CTNNA2: variants seen among roughly 807,000 people sequenced by gnomAD.
CTNNA2 encodes catenin alpha-2.
A neutral mutation model predicts 101.0 loss-of-function variants in CTNNA2; 42 were observed. The ratio of observed to expected loss-of-function variants is 0.42; its 90% CI spans 0.32 to 0.54. The LOEUF is 0.54. Among genes scored for constraint, CTNNA2 ranks in the 20% least tolerant of loss-of-function variants. The probability of loss-of-function intolerance (pLI) is 0.14; values close to 1 mark genes in which losing one functional copy is unlikely to be tolerated. For missense variants in CTNNA2, 871 were observed against 1,223.1 expected (o/e 0.71, Z 4.29); for synonymous variants, 450 against 456.4 (o/e 0.99, Z 0.18).
At chr2:80,522,077 C>T (rs1298173291) in intron 9 of CTNNA2, among the ~76,000 whole-genome samples, 1 of 152,184 alleles carries the variant, frequency 6.6e-6, no homozygotes, top group Non-Finnish European at 1.5e-5. Flanking sequence ...CTAGAAGCTC[C>T]CCACAAGGCC....
At chr2:80,012,580 T>G (rs549517765) in intron 7 of CTNNA2, among the ~76,000 whole-genome samples, 2 of 152,314 alleles carry the variant, frequency 1.3e-5, no homozygotes, top group Admixed American at 6.5e-5. Flanking sequence ...TCAACTCTCC[T>G]GTCATGGCAT....
chr2:79,986,314 G>A (rs1304729759), intron 7 of CTNNA2, among the ~76,000 whole-genome samples: 2 of 152,072 alleles, frequency 1.3e-5, no homozygotes, highest in Non-Finnish European at 2.9e-5. Context: ...TGTTCTTTGA[G>A]GATATTCCTC....
chr2:79,245,532 A>G (rs988455414), intron 2 of CTNNA2, among the ~76,000 whole-genome samples: 2 of 152,196 alleles, frequency 1.3e-5, no homozygotes, highest in East Asian at 1.9e-4. Context: ...CTTCCCAAGG[A>G]TGGGCCTGGA....
intron 4 of CTNNA2, among the ~76,000 whole-genome samples, chr2:79,442,303 A>T (rs566300507): frequency 6.6e-6 from 1 of 152,166 alleles, no homozygotes; most frequent in South Asian, 2.1e-4. Flanking sequence ...TCTATTTTTC[A>T]TTAAGTACTT....
chr2:79,743,736 G>T (rs143597142), intron 2 of CTNNA2, among the ~76,000 whole-genome samples: 2,911 of 152,032 alleles, frequency 0.019, 49 homozygotes, highest in Middle Eastern at 0.027. Context: ...GTTTCACCAT[G>T]TTGGCCAGGC....
intron 2 of CTNNA2, among the ~76,000 whole-genome samples, chr2:79,716,647 A>G (rs1224252081): frequency 1.3e-5 from 2 of 152,194 alleles, no homozygotes; most frequent in African/African-American, 4.8e-5. Context: ...ACGGCAGTTC[A>G]CAGTGAACTC....
In CTNNA2 at chr2:79,316,437, T is replaced by A. The variant is rs58788438; in HGVS notation, c.-318+3641T>A. ...GACATCCCAGCATTTCCACATGAAT[T>A]TTAGGATTTTCTTGTCAATTTCTTC... On this transcript the variant is annotated intron_variant, in intron 3 of 21. Coordinates refer to the CTNNA2 transcript ENST00000466387. 1.7e-3 allele frequency among the ~76,000 whole-genome samples: 258 copies of A among 152,118 alleles called. 1 individual carries two copies. Among genetic ancestry groups the A allele is most frequent in the African/African-American group, 6.1e-3 (252 of 41,518 alleles).
intron 6 of CTNNA2, among the ~76,000 whole-genome samples, chr2:79,894,015 T>G (rs1323495803): frequency 4.9e-5 from 6 of 123,540 alleles, no homozygotes; most frequent in Non-Finnish European, 7.3e-5. Flanking sequence ...CTTCTTCTTC[T>G]TCTTCTTCTT....
chr2:79,362,560 A>G (rs1677655719), intron 3 of CTNNA2, among the ~76,000 whole-genome samples: 1 of 152,132 alleles, frequency 6.6e-6, no homozygotes, highest in Admixed American at 6.5e-5. Context: ...CCCTGAGTAG[A>G]TATAGTAATC....
intron 7 of CTNNA2, among the ~76,000 whole-genome samples, chr2:80,325,659 T>G (rs1285054173): frequency 1.3e-5 from 2 of 152,128 alleles, no homozygotes; most frequent in African/African-American, 4.8e-5. Context: ...GCAAAGAAGA[T>G]GGTTATGGCT....
intron 7 of CTNNA2, among the ~76,000 whole-genome samples, chr2:80,025,293 C>T (rs1220289494): frequency 2.0e-5 from 3 of 152,270 alleles, no homozygotes; most frequent in Non-Finnish European, 2.9e-5. Flanking sequence ...GTGGAACCCT[C>T]GCCAGGGACC....
intron 3 of CTNNA2, among the ~76,000 whole-genome samples, chr2:79,749,052 C>T (rs1275453910): frequency 1.3e-5 from 2 of 152,114 alleles, no homozygotes; most frequent in South Asian, 2.1e-4. Context: ...GAAAGGCATG[C>T]AGTTCATATA....
intron 9 of CTNNA2, among the ~76,000 whole-genome samples, chr2:80,454,835 A>C (rs1422598231): frequency 6.6e-6 from 1 of 152,222 alleles, no homozygotes; most frequent in Non-Finnish European, 1.5e-5. Flanking sequence ...TGGCCTGAGC[A>C]CAGATTGGCA....
intron 4 of CTNNA2, among the ~76,000 whole-genome samples, chr2:79,445,615 G>A (rs572001138): frequency 2.6e-5 from 4 of 152,232 alleles, no homozygotes; most frequent in Non-Finnish European, 4.4e-5. Context: ...CTAATCACCT[G>A]TTGATTAGTG....
At position 79,536,184 on chromosome 2, in the gene CTNNA2, G is replaced by A. The variant is rs958385085; in HGVS notation, c.-6+22977G>A. 2.0e-5 allele frequency among the ~76,000 whole-genome samples: 3 copies of A among 152,282 alleles called. No individual in the cohort carries two copies. In the South Asian group the frequency reaches 6.2e-4, roughly 32 times the overall value. On this transcript the variant is annotated intron_variant, in intron 1 of 18. Transcript: ENST00000402739. ...AGAAAGCCATACCTAGATTCACATTGCCAGCCTCACTTTCCCAAGTGGCTA... is the reference window on the plus strand; with the variant it reads ...AGAAAGCCATACCTAGATTCACATTACCAGCCTCACTTTCCCAAGTGGCTA...
chr2:80,119,580 CAT>C (rs1701718821), intron 7 of CTNNA2, among the ~76,000 whole-genome samples: 2 of 152,108 alleles, frequency 1.3e-5, no homozygotes, highest in East Asian at 1.9e-4. Context: ...ACTTTGAAAA[CAT>C]ATATGTCAGC....
intron 7 of CTNNA2, among the ~76,000 whole-genome samples, chr2:80,354,904 T>A (rs890947550): frequency 6.6e-6 from 1 of 152,122 alleles, no homozygotes. Flanking sequence ...TTGCTCTAGA[T>A]GGGAGGGTGG....
chr2:79,672,292 T>A (rs1188394861), intron 2 of CTNNA2, among the ~76,000 whole-genome samples: 1 of 152,130 alleles, frequency 6.6e-6, no homozygotes, highest in Non-Finnish European at 1.5e-5. Context: ...AAAAATATAT[T>A]TCTCTAGAAA....
chr2:80,309,697 A>C (rs1004539903), intron 7 of CTNNA2, among the ~76,000 whole-genome samples: 8 of 136,000 alleles, frequency 5.9e-5, no homozygotes, highest in Non-Finnish European at 6.3e-5. Flanking sequence ...CTCTATTTAC[A>C]TTTTTTTTTG....
Sources: gnomAD v4.1 joint callset for allele counts (sites outside exome capture counted in the v4.1 genomes callset) on GRCh38, gnomAD v4.1.1 for gene constraint, MANE v1.5 for transcripts, NCBI Gene and HGNC (gene_info 2026-07-23, HGNC 2026-07-21) for gene names.